Variants in COQ10B observed in about 807,000 individuals in gnomAD.
COQ10B encodes the protein coenzyme Q-binding protein COQ10 homolog B, mitochondrial.
COQ10B carries 12 observed loss-of-function variants against 27.6 expected under a neutral mutation model. The observed-to-expected ratio is 0.43, with a 90% confidence interval of 0.28 to 0.70. The LOEUF (loss-of-function observed/expected upper bound fraction) is 0.70. Ranked by LOEUF, COQ10B falls within the 30% of genes least tolerant of loss-of-function variation. COQ10B has a pLI of 0.17. For synonymous variants in COQ10B, 115 were observed against 103.0 expected, an observed-to-expected ratio of 1.12 and a Z score of -0.71; for missense variants, 278 against 288.7, an observed-to-expected ratio of 0.96 and a Z score of 0.27.
rs1215066542 is a variant in COQ10B at position 197,464,103 on chromosome 2, G to A, written c.447+1372G>A. Among the ~76,000 whole-genome samples the A allele has an allele frequency of 5.0e-3, 634 of 125,562 alleles. 3 individuals are homozygous for A. Among genetic ancestry groups the A allele is most frequent in the African/African-American group, 0.018 (591 of 32,830 alleles). 82.4% of individuals were successfully genotyped at this position (125,562 alleles called of 152,430 possible). A position where few individuals can be genotyped will look rare whatever the true frequency, so the allele number is the denominator to read the frequency against. On this transcript the variant is annotated intron_variant, in intron 3 of 4. Transcript: ENST00000263960. ...CACATATATATATATACATATATATGTATAAACATTGTTGAGATTATCCTG... is the reference window on the plus strand; with the variant it reads ...CACATATATATATATACATATATATATATAAACATTGTTGAGATTATCCTG...
At chr2:197,470,205 T>TA in intron 4 of COQ10B, 34 bp downstream of exon 4, 1 of 1,295,246 alleles carries the variant, frequency 7.7e-7, no homozygotes, top group Non-Finnish European at 1.1e-6. Flanking sequence ...TTGTTCCACT[T>TA]ATGAGGTAAA....
At chr2:197,468,930 T>A (rs901514825) in intron 3 of COQ10B, among the ~76,000 whole-genome samples, 2 of 152,194 alleles carry the variant, frequency 1.3e-5, no homozygotes, top group African/African-American at 4.8e-5. Flanking sequence ...ACGAGCATAA[T>A]CAGTCCTAAC....
intron 1 of COQ10B, among the ~76,000 whole-genome samples, chr2:197,455,295 A>G (rs2085683935): frequency 6.6e-6 from 1 of 152,154 alleles, no homozygotes; most frequent in African/African-American, 2.4e-5. Flanking sequence ...CACTGTTCAC[A>G]GTAGTTAAGA....
rs1399014132 is a variant in COQ10B at position 197,455,148 on chromosome 2, CATGAA to C, written c.104+1485_104+1489del. On this transcript the variant is annotated intron_variant, in intron 1 of 4. Transcript: ENST00000263960. ...TTTTTGGGTAGGCTGGGAGGCAATA[CATGAA>C]CCTGGTACAAAGGTTCATGTATTGC... 5.3e-3 allele frequency among the ~76,000 whole-genome samples: 800 copies of C among 151,912 alleles called. 6 individuals are homozygous for C. The highest frequency in any genetic ancestry group is 0.018 in the African/African-American group (731 of 41,428).
chr2:197,455,829 G>A (rs780296517), intron 1 of COQ10B, among the ~76,000 whole-genome samples: 6 of 152,098 alleles, frequency 3.9e-5, no homozygotes, highest in Non-Finnish European at 5.9e-5. Flanking sequence ...GCTTGGTGGC[G>A]CATGCCTGTG....
intron 3 of COQ10B, among the ~76,000 whole-genome samples, chr2:197,466,250 C>T (rs1270178573): frequency 6.6e-6 from 1 of 152,186 alleles, no homozygotes; most frequent in Non-Finnish European, 1.5e-5. Context: ...CACGAATGCA[C>T]AGTACAGCAC....
In COQ10B at chr2:197,459,243, T is replaced by G. The variant is rs915846637; in HGVS notation, c.105-689T>G. ...TGCCCGTGGTGTGTTCATAGCTCAT[T>G]GCAACCTCGAAGTGCTGTATTCAAG... On this transcript the variant is annotated intron_variant, in intron 1 of 4. Coordinates refer to ENST00000263960, the MANE Select transcript of COQ10B (RefSeq NM_025147.5). Among the ~76,000 whole-genome samples, 7 of 152,194 alleles carry G rather than the reference T, an allele frequency of 4.6e-5. No homozygotes were observed. In the South Asian group the frequency reaches 1.4e-3, roughly 31 times the overall value.
intron 1 of COQ10B, among the ~76,000 whole-genome samples, chr2:197,458,388 T>C (rs2085722588): frequency 6.6e-6 from 1 of 152,124 alleles, no homozygotes; most frequent in African/African-American, 2.4e-5. Flanking sequence ...CTAAAATCTT[T>C]TAAGGGATTC....
intron 4 of COQ10B, among the ~76,000 whole-genome samples, chr2:197,473,413 AAAATAT>A (rs1423592951): frequency 8.5e-5 from 5 of 58,638 alleles, no homozygotes; most frequent in South Asian, 5.6e-4. Context: ...AAAAAAAAAA[AAAATAT>A]ATATATATAT....
At chr2:197,470,496 A>G (rs572637178) in intron 4 of COQ10B, among the ~76,000 whole-genome samples, 4 of 152,364 alleles carry the variant, frequency 2.6e-5, no homozygotes, top group Admixed American at 6.5e-5. Flanking sequence ...GCAGTAGCCC[A>G]TGCCTGGAAT....
At chr2:197,462,096 CA>C (rs1418610432) in intron 2 of COQ10B, among the ~76,000 whole-genome samples, 1 of 151,722 alleles carries the variant, frequency 6.6e-6, no homozygotes, top group Non-Finnish European at 1.5e-5. Context: ...AGTGAAACCC[CA>C]TCTCTATTAA....
chr2:197,468,397 C>T (rs1298698173), intron 3 of COQ10B, among the ~76,000 whole-genome samples: 1 of 144,054 alleles, frequency 6.9e-6, no homozygotes, highest in Non-Finnish European at 1.5e-5. Flanking sequence ...GAGTCGAGAT[C>T]GCGCCACTGC....
intron 3 of COQ10B, among the ~76,000 whole-genome samples, chr2:197,468,081 A>G (rs1196716482): frequency 6.6e-6 from 1 of 152,174 alleles, no homozygotes; most frequent in African/African-American, 2.4e-5. Context: ...ACATAACAGT[A>G]AAAATCCGTG....
At chr2:197,461,828 AC>A (rs1392070005) in intron 2 of COQ10B, among the ~76,000 whole-genome samples, 1 of 151,712 alleles carries the variant, frequency 6.6e-6, no homozygotes, top group African/African-American at 2.4e-5. Flanking sequence ...TTTAGTAGAG[AC>A]CGGGTTTTAC....
At chr2:197,455,351 C>T (rs1029115017) in intron 1 of COQ10B, among the ~76,000 whole-genome samples, 4 of 152,006 alleles carry the variant, frequency 2.6e-5, no homozygotes, top group East Asian at 1.9e-4. Flanking sequence ...TGGTACTGGG[C>T]GCAGTGGCTT....
At chr2:197,460,507 A>T (rs2085745292) in intron 2 of COQ10B, among the ~76,000 whole-genome samples, 1 of 152,218 alleles carries the variant, frequency 6.6e-6, no homozygotes, top group Non-Finnish European at 1.5e-5. Context: ...TTGCTATTTT[A>T]TAAATATTTG....
chr2:197,455,348 G>A lies in COQ10B; in HGVS notation c.104+1684G>A, dbSNP rs552116621. Among the ~76,000 whole-genome samples the A allele has an allele frequency of 2.0e-5, 3 of 152,256 alleles. No homozygotes were observed. The South Asian group carries it at 6.2e-4, about 32-fold the overall frequency. ...TGTCCAACAACAGATGAATGGTACT[G>A]GGCGCAGTGGCTTATGCCTGTAATT... On this transcript the variant is annotated intron_variant, in intron 1 of 4. Coordinates refer to ENST00000263960, the MANE Select transcript of COQ10B (RefSeq NM_025147.5).
intron 3 of COQ10B, among the ~76,000 whole-genome samples, chr2:197,467,780 G>A (rs2085840711): frequency 6.6e-6 from 1 of 152,320 alleles, no homozygotes; most frequent in South Asian, 2.1e-4. Context: ...CCATGTGACA[G>A]TTCTGTGAAT....
rs370880357 is a variant in COQ10B, at chr2:197,473,951, C to T, written c.*27C>T. 1.4e-6 allele frequency: 2 copies of T among 1,446,606 alleles called. No individual in the cohort carries two copies. The highest frequency in any genetic ancestry group is 1.6e-5 in the South Asian group (1 of 64,434). 89.6% of individuals were successfully genotyped at this position (1,446,606 alleles called of 1,614,324 possible). A position where few individuals can be genotyped will look rare whatever the true frequency, so the allele number is the denominator to read the frequency against. On this transcript the variant is annotated 3_prime_UTR_variant, in exon 5 of 5. Transcript: ENST00000263960. ...GGCAAAAAAGAACTGGTGCCACCTG[C>T]TTCTGACTTTAGTTTGTTCACTTTT... is the stretch of plus-strand genomic sequence containing the variant.
Sources: allele counts gnomAD v4.1 joint callset (sites outside exome capture counted in the v4.1 genomes callset), GRCh38; gene constraint gnomAD v4.1.1; transcripts MANE v1.5; gene names NCBI Gene and HGNC (gene_info 2026-07-23, HGNC 2026-07-21).